The following NEDD4L variants were observed in gnomAD, a reference collection of about 807,000 sequenced individuals.
The protein encoded by NEDD4L is E3 ubiquitin-protein ligase NEDD4-like.
In NEDD4L, 54 loss-of-function variants were observed where a neutral mutation model predicts 148.9. The ratio of observed to expected loss-of-function variants is 0.36; its 90% confidence interval spans 0.29 to 0.45. NEDD4L has a LOEUF of 0.45. Ranked by LOEUF, NEDD4L falls within the 20% of genes least tolerant of loss-of-function variation. The pLI, the probability that NEDD4L is intolerant of heterozygous loss-of-function variation, is 1.00. For missense variants in NEDD4L, 856 were observed against 1,233.8 expected (o/e 0.69, Z 4.59); for synonymous variants, 433 against 440.7 (o/e 0.98, Z 0.22).
intron 2 of NEDD4L, among the ~76,000 whole-genome samples, chr18:58,181,861 A>G (rs1381685691): frequency 6.6e-6 from 1 of 152,220 alleles, no homozygotes; most frequent in Non-Finnish European, 1.5e-5. Context: ...AGGAGTTTTT[A>G]GTATTTCAAA....
rs73437292 is a variant in NEDD4L at position 58,309,129 on chromosome 18, G to A, written c.298-6853G>A. 4.4e-3 allele frequency among the ~76,000 whole-genome samples: 665 copies of A among 152,230 alleles called. 8 individuals are homozygous for A. Among genetic ancestry groups the A allele is most frequent in the African/African-American group, 0.015 (629 of 41,528 alleles). ...TCTTCACTTGCCCTGGGAGACTGTC[G>A]TCTTGAGAGAGCAAGCCATATGGGA... is the stretch of plus-strand genomic sequence containing the variant. On this transcript the variant is annotated intron_variant, in intron 5 of 30. Coordinates refer to ENST00000400345, the MANE Select transcript of NEDD4L (RefSeq NM_001144967.3).
At chr18:58,352,551 C>G (rs993353360) in intron 18 of NEDD4L, among the ~76,000 whole-genome samples, 1 of 152,002 alleles carries the variant, frequency 6.6e-6, no homozygotes, top group Non-Finnish European at 1.5e-5. Context: ...CCCAGCTACC[C>G]GGATGGCTGA....
intron 1 of NEDD4L, among the ~76,000 whole-genome samples, chr18:58,089,841 C>CTTT (rs759472299): frequency 1.0e-4 from 14 of 137,936 alleles, no homozygotes; most frequent in South Asian, 2.3e-4. Flanking sequence ...CTTCCTTTTC[C>CTTT]TTTTTTTTTT....
intron 5 of NEDD4L, among the ~76,000 whole-genome samples, chr18:58,264,496 T>C (rs1210358880): frequency 1.3e-5 from 2 of 152,094 alleles, no homozygotes; most frequent in Non-Finnish European, 2.9e-5. Context: ...TTTTTAAAAA[T>C]TGATACATAA....
chr18:58,169,678 C>G lies in NEDD4L; in HGVS notation c.122+3817C>G, dbSNP rs139930610. On this transcript the variant is annotated intron_variant, in intron 2 of 30. Transcript: ENST00000400345. ...TCAAAACGCCCACGTGGGGCGGCCA[C>G]AGCTCACCCTTGTGTGCCTGTGTCC... Among the ~76,000 whole-genome samples, 1,163 of 152,376 alleles carry G rather than the reference C, an allele frequency of 7.6e-3. 11 individuals are homozygous for G. Among genetic ancestry groups the G allele is most frequent in the Non-Finnish European group, 0.01 (703 of 68,040 alleles).
chr18:58,341,601 T>C, intron 14 of NEDD4L, 77 bp from the exon 15 acceptor site: 1 of 1,518,128 alleles, frequency 6.6e-7, no homozygotes, highest in Non-Finnish European at 8.9e-7. Context: ...TTTGCGTTGT[T>C]GTTTGGGTTC....
intron 1 of NEDD4L, among the ~76,000 whole-genome samples, chr18:58,138,388 CCCT>C (rs143759690): frequency 0.011 from 1,650 of 148,424 alleles, 16 homozygotes; most frequent in South Asian, 0.011. Context: ...CTCTTTCCTC[CCCT>C]CCTCCTCTTT....
At chr18:58,069,645 A>T (rs117090887) in intron 1 of NEDD4L, among the ~76,000 whole-genome samples, 1,697 of 152,340 alleles carry the variant, frequency 0.011, 16 homozygotes, top group Non-Finnish European at 0.018. Context: ...GTTTAAAATA[A>T]TGGTAAATAT....
At chr18:58,347,205 G>GCCCCCCCCCCCCCCCCCCCCCCCCCCCC (rs138430099) in intron 16 of NEDD4L, among the ~76,000 whole-genome samples, 1 of 39,558 alleles carries the variant, frequency 2.5e-5, no homozygotes, top group Non-Finnish European at 4.6e-5. Context: ...TCACGCTACG[G>GCCCCCCCCCCCCCCCCCCCCCCCCCCCC]CCCCCCCCGC....
At chr18:58,280,684 G>A (rs1366916748) in intron 5 of NEDD4L, among the ~76,000 whole-genome samples, 2 of 152,086 alleles carry the variant, frequency 1.3e-5, no homozygotes, top group East Asian at 1.9e-4. Context: ...TGGGGAATTC[G>A]GAGTGAGGGC....
Position 58,221,726 on chromosome 18 carries a change from T to C in NEDD4L, c.123-23701T>C. On this transcript the variant is annotated intron_variant, in intron 2 of 30. Transcript: ENST00000400345. Reference sequence around the variant, plus strand: ...TAGTCCAGCTGAACACTTTCCAGCCTTGTTTTTCAGCAGCTTTGAGGAAAA... The same window carrying C: ...TAGTCCAGCTGAACACTTTCCAGCCCTGTTTTTCAGCAGCTTTGAGGAAAA... 5 of 985,412 alleles carry C rather than the reference T, an allele frequency of 5.1e-6. No homozygotes were observed. The South Asian group carries it at 2.3e-4, about 46-fold the overall frequency. The allele number at this position is 985,412 out of a possible 1,614,324, so 61.0% of individuals were successfully genotyped here. A position where few individuals can be genotyped will look rare whatever the true frequency, so the allele number is the denominator to read the frequency against.
At chr18:58,179,516 G>A (rs540023847) in intron 2 of NEDD4L, among the ~76,000 whole-genome samples, 2 of 152,242 alleles carry the variant, frequency 1.3e-5, no homozygotes, top group East Asian at 1.9e-4. Context: ...GAAGTGGGCC[G>A]CACAGCAGGA....
chr18:58,145,848 T>A (rs1184446805), intron 1 of NEDD4L, among the ~76,000 whole-genome samples: 3 of 152,180 alleles, frequency 2.0e-5, no homozygotes, highest in Non-Finnish European at 4.4e-5. Context: ...CAGTTCTGGG[T>A]CTTGTTATTC....
intron 1 of NEDD4L, among the ~76,000 whole-genome samples, chr18:58,082,102 A>ATATATTTTTTTTTTTTTTTTTTTT: frequency 4.1e-5 from 2 of 48,830 alleles, no homozygotes; most frequent in Non-Finnish European, 3.1e-5. Context: ...ATATATATAT[A>ATATATTTTTTTTTTTTTTTTTTTT]TTTTTTTTTT....
chr18:58,370,576 C>G (rs1472729926), intron 23 of NEDD4L, 109 bp downstream of exon 23: 1 of 738,390 alleles, frequency 1.4e-6, no homozygotes, highest in African/African-American at 1.7e-5. Context: ...GTGTTGCATT[C>G]CATGTGAACA....
intron 5 of NEDD4L, among the ~76,000 whole-genome samples, chr18:58,252,953 G>C (rs1391200979): frequency 1.3e-5 from 2 of 152,134 alleles, no homozygotes; most frequent in African/African-American, 4.8e-5. Flanking sequence ...AAGTAGCTGT[G>C]AACCAGGTGT....
chr18:58,132,835 A>C (rs1216236999), intron 1 of NEDD4L, among the ~76,000 whole-genome samples: 1 of 152,228 alleles, frequency 6.6e-6, no homozygotes, highest in Non-Finnish European at 1.5e-5. Context: ...TTGTCAAAAC[A>C]AAGTTCAAAT....
intron 2 of NEDD4L, among the ~76,000 whole-genome samples, chr18:58,229,741 C>T (rs1378991280): frequency 1.3e-5 from 2 of 152,094 alleles, no homozygotes; most frequent in African/African-American, 4.8e-5. Context: ...CCTGTAAGCC[C>T]AACACTTTGG....
chr18:58,138,640 AGGCTGGG>A (rs2033140459), intron 1 of NEDD4L, among the ~76,000 whole-genome samples: 1 of 152,044 alleles, frequency 6.6e-6, no homozygotes, highest in African/African-American at 2.4e-5. Flanking sequence ...ACAGTTTTGG[AGGCTGGG>A]AAGTCCATGA....
Sources: gnomAD v4.1 joint callset for allele counts (sites outside exome capture counted in the v4.1 genomes callset) on GRCh38, gnomAD v4.1.1 for gene constraint, MANE v1.5 for transcripts, NCBI Gene and HGNC (gene_info 2026-07-23, HGNC 2026-07-21) for gene names.